The following KLHL1 variants were observed in gnomAD, a reference collection of about 807,000 sequenced individuals.
KLHL1 encodes the protein kelch like family member 1, also known as kelch-like protein 1.
KLHL1 carries 47 observed loss-of-function variants against 77.7 expected under a neutral mutation model. The observed-to-expected ratio is 0.60, with a 90% confidence interval of 0.48 to 0.77. KLHL1 has a LOEUF of 0.77. Among genes scored for constraint, KLHL1 ranks in the 30% least tolerant of loss-of-function variants. KLHL1 has a pLI of 0.00. For synonymous variants in KLHL1, 360 were observed against 325.2 expected, an observed-to-expected ratio of 1.11 and a Z score of -1.15; for missense variants, 925 against 910.8, an observed-to-expected ratio of 1.02 and a Z score of -0.20.
intron 4 of KLHL1, among the ~76,000 whole-genome samples, chr13:69,903,029 A>C (rs746834215): frequency 7.2e-5 from 11 of 152,146 alleles, no homozygotes; most frequent in Non-Finnish European, 1.5e-4. Context: ...AAAAGCAACA[A>C]GTCTTATTAA....
intron 1 of KLHL1, among the ~76,000 whole-genome samples, chr13:70,019,555 G>T (rs566849541): frequency 1.5e-3 from 229 of 152,192 alleles, no homozygotes; most frequent in Middle Eastern, 0.01. Flanking sequence ...CATGCCAGAC[G>T]ATCTGCTAAA....
intron 6 of KLHL1, 84 bp from the exon 7 acceptor site, chr13:69,797,046 G>A: frequency 9.3e-7 from 1 of 1,071,148 alleles, no homozygotes; most frequent in South Asian, 1.4e-5. Context: ...ATTAGGATGT[G>A]AAAACACTCT....
intron 7 of KLHL1, among the ~76,000 whole-genome samples, chr13:69,796,403 T>C (rs1877109083): frequency 6.6e-6 from 1 of 152,140 alleles, no homozygotes; most frequent in Non-Finnish European, 1.5e-5. Flanking sequence ...TAATGAGGTC[T>C]TGTTCTATTA....
intron 5 of KLHL1, among the ~76,000 whole-genome samples, chr13:69,841,128 C>T (rs779393508): frequency 1.3e-5 from 2 of 151,280 alleles, no homozygotes; most frequent in Admixed American, 6.6e-5. Context: ...ATAGTTAAAG[C>T]ATTACAAATA....
intron 2 of KLHL1, among the ~76,000 whole-genome samples, chr13:69,974,095 C>T (rs1872376380): frequency 6.6e-6 from 1 of 151,954 alleles, no homozygotes; most frequent in African/African-American, 2.4e-5. Context: ...CTCAAATAAA[C>T]TCTTTAAAAT....
At chr13:69,855,851 T>C (rs936860968) in intron 5 of KLHL1, among the ~76,000 whole-genome samples, 2 of 127,794 alleles carry the variant, frequency 1.6e-5, no homozygotes, top group African/African-American at 6.4e-5. Context: ...GTATTATATA[T>C]GTTATATAAT....
At chr13:70,079,543 TA>T (rs1480928091) in intron 1 of KLHL1, among the ~76,000 whole-genome samples, 1 of 152,230 alleles carries the variant, frequency 6.6e-6, no homozygotes, top group Non-Finnish European at 1.5e-5. Context: ...CCTTTTCTTT[TA>T]GTTTCATCAG....
intron 1 of KLHL1, among the ~76,000 whole-genome samples, chr13:70,017,998 C>T (rs894162544): frequency 6.6e-6 from 1 of 151,942 alleles, no homozygotes; most frequent in African/African-American, 2.4e-5. Context: ...TTCTTAATAA[C>T]AATTTAATTG....
intron 1 of KLHL1, among the ~76,000 whole-genome samples, chr13:70,035,550 A>C (rs1049966839): frequency 1.3e-5 from 2 of 152,148 alleles, no homozygotes; most frequent in Admixed American, 6.5e-5. Context: ...AAATAAGATA[A>C]TTTTTTTAAA....
chr13:69,708,333 G>A (rs922424123), intron 9 of KLHL1, among the ~76,000 whole-genome samples: 2 of 151,904 alleles, frequency 1.3e-5, no homozygotes, highest in Admixed American at 6.6e-5. Flanking sequence ...TGCATGGTCC[G>A]CTTTGAGGAA....
At chr13:70,054,087 T>C (rs1193527776) in intron 1 of KLHL1, among the ~76,000 whole-genome samples, 1 of 152,082 alleles carries the variant, frequency 6.6e-6, no homozygotes, top group Non-Finnish European at 1.5e-5. Context: ...CTTTGCTCAG[T>C]TACATTTATA....
chr13:69,833,154 G>A (rs774125572), intron 6 of KLHL1, among the ~76,000 whole-genome samples: 6 of 152,066 alleles, frequency 3.9e-5, no homozygotes, highest in Non-Finnish European at 8.8e-5. Flanking sequence ...GAAATAATCA[G>A]CAGAATAAAC....
chr13:70,009,158 C>T (rs1885472906), intron 1 of KLHL1, among the ~76,000 whole-genome samples: 1 of 151,858 alleles, frequency 6.6e-6, no homozygotes, highest in African/African-American at 2.4e-5. Context: ...AGTCACGACT[C>T]CTTCTATTAA....
chr13:69,714,072 C>A (rs909183095), intron 9 of KLHL1, among the ~76,000 whole-genome samples: 2 of 151,750 alleles, frequency 1.3e-5, no homozygotes, highest in African/African-American at 4.8e-5. Flanking sequence ...TTTTTAAATC[C>A]CCTCCTTAAA....
chr13:69,724,270 TA>T (rs1342408233), intron 8 of KLHL1, among the ~76,000 whole-genome samples: 2 of 152,094 alleles, frequency 1.3e-5, no homozygotes, highest in Non-Finnish European at 2.9e-5. Context: ...ATAAAATGTA[TA>T]AAGCAAGCTG....
chr13:69,773,372 C>G (rs1007156138), intron 7 of KLHL1, among the ~76,000 whole-genome samples: 1 of 152,028 alleles, frequency 6.6e-6, no homozygotes, highest in African/African-American at 2.4e-5. Flanking sequence ...TGTGAATTCA[C>G]TTTGCTCTCT....
chr13:69,813,405 A>C (rs1242970750), intron 6 of KLHL1, among the ~76,000 whole-genome samples: 1 of 151,910 alleles, frequency 6.6e-6, no homozygotes, highest in East Asian at 1.9e-4. Context: ...GCACACCAAC[A>C]TGACACATGT....
At chr13:69,723,083 A>C (rs1158565017) in intron 8 of KLHL1, among the ~76,000 whole-genome samples, 1 of 152,076 alleles carries the variant, frequency 6.6e-6, no homozygotes, top group Non-Finnish European at 1.5e-5. Context: ...CAGAAAGACA[A>C]ATACCACATT....
At chr13:69,908,789 T>C (rs1010393545) in intron 4 of KLHL1, among the ~76,000 whole-genome samples, 2 of 151,542 alleles carry the variant, frequency 1.3e-5, no homozygotes, top group East Asian at 3.9e-4. Context: ...AATAAATTCC[T>C]TTTTTATCAA....
Sources: gnomAD v4.1 joint callset for allele counts (sites outside exome capture counted in the v4.1 genomes callset) on GRCh38, gnomAD v4.1.1 for gene constraint, MANE v1.5 for transcripts, NCBI Gene and HGNC (gene_info 2026-07-23, HGNC 2026-07-21) for gene names.